Variants in FARP1 observed in about 807,000 individuals in gnomAD.
FARP1 encodes the protein FERM, ARH/RhoGEF and pleckstrin domain protein 1.
A neutral mutation model predicts 128.8 loss-of-function variants in FARP1; 52 were observed. The observed-to-expected ratio is 0.40, with a 90% confidence interval of 0.32 to 0.51. The LOEUF (loss-of-function observed/expected upper bound fraction) is 0.51, where lower values mean the gene tolerates loss of function less well. FARP1 is among the 20% of genes least tolerant of loss of function. The pLI is 0.45. For missense variants in FARP1, 1,333 were observed against 1,367.9 expected (o/e 0.97, Z 0.40); for synonymous variants, 580 against 551.8 (o/e 1.05, Z -0.72).
At chr13:98,153,363 AAT>A (rs1491100767) in intron 1 of FARP1, among the ~76,000 whole-genome samples, 3 of 70,364 alleles carry the variant, frequency 4.3e-5, no homozygotes, top group African/African-American at 3.3e-5. Context: ...AAATATATAA[AAT>A]ATGTTATATA....
At chr13:98,370,574 C>CT (rs1889283597) in intron 5 of FARP1, among the ~76,000 whole-genome samples, 1 of 95,628 alleles carries the variant, frequency 1.0e-5, no homozygotes, top group African/African-American at 5.0e-5. Context: ...GCTTGAGTGA[C>CT]TGGGGGGGAG....
chr13:98,269,349 A>G (rs1424072837), intron 2 of FARP1, among the ~76,000 whole-genome samples: 2 of 152,238 alleles, frequency 1.3e-5, no homozygotes, highest in South Asian at 4.1e-4. Flanking sequence ...CAAAATCTTC[A>G]TGGATTCTTT....
intron 23 of FARP1, 137 bp from the exon 24 acceptor site, chr13:98,440,533 A>G: frequency 1.2e-6 from 1 of 815,078 alleles, no homozygotes; most frequent in South Asian, 1.8e-5. Context: ...GGGTCCATCG[A>G]GGCCTCATTA....
rs149655776 is a variant in FARP1, at chr13:98,163,036, G to A, written c.-24+19544G>A. The stretch of plus-strand genomic sequence containing the variant: ...CATAGGCACGTGAATGTTCATTGCA[G>A]CACCATTCACAATAGAAAACACATG... On this transcript the variant is annotated intron_variant, in intron 1 of 26. Transcript: ENST00000319562. Among the ~76,000 whole-genome samples, 877 of 152,252 alleles carry A rather than the reference G, an allele frequency of 5.8e-3. 10 individuals are homozygous for A. The highest frequency in any genetic ancestry group is 0.02 in the African/African-American group (843 of 41,544).
chr13:98,230,083 C>T (rs1882027466), intron 2 of FARP1, among the ~76,000 whole-genome samples: 8 of 152,182 alleles, frequency 5.3e-5, no homozygotes, highest in Admixed American at 5.2e-4. Context: ...TTGCCTCTTA[C>T]TTGCTTTAGA....
At position 98,195,340 on chromosome 13, in the gene FARP1, G is replaced by A. The variant is rs1378784944; in HGVS notation, c.-23-17880G>A. Among the ~76,000 whole-genome samples the A allele has an allele frequency of 5.9e-5, 9 of 152,298 alleles. No individual in the cohort carries two copies. The East Asian group carries it at 1.7e-3, about 29-fold the overall frequency. ...CCAAGCTGTGATTTACATGGGAACTGAGCATTTGCTTTGGGGAATATATGT... is the reference window on the plus strand; with the variant it reads ...CCAAGCTGTGATTTACATGGGAACTAAGCATTTGCTTTGGGGAATATATGT... On this transcript the variant is annotated intron_variant, in intron 1 of 26. Transcript: ENST00000319562.
intron 2 of FARP1, among the ~76,000 whole-genome samples, chr13:98,284,697 T>C (rs1272480192): frequency 6.6e-6 from 1 of 152,222 alleles, no homozygotes; most frequent in Non-Finnish European, 1.5e-5. Context: ...TTCCTGATTA[T>C]ATTTGCAAGT....
chr13:98,381,031 C>T (rs559264937), intron 6 of FARP1, among the ~76,000 whole-genome samples: 4 of 152,300 alleles, frequency 2.6e-5, no homozygotes, highest in East Asian at 1.9e-4. Context: ...ATTTTCCCCC[C>T]AGAAACCAGC....
At chr13:98,149,580 A>C (rs948253665) in intron 1 of FARP1, among the ~76,000 whole-genome samples, 22 of 152,138 alleles carry the variant, frequency 1.4e-4, no homozygotes, top group African/African-American at 5.3e-4. Context: ...CTTGATCAAC[A>C]CTTGAAACAG....
chr13:98,244,868 C>G, intron 2 of FARP1: 2 of 1,440,766 alleles, frequency 1.4e-6, no homozygotes, highest in Non-Finnish European at 1.8e-6. Context: ...ATACGTGAAG[C>G]TGCATACAGA....
intron 2 of FARP1, among the ~76,000 whole-genome samples, chr13:98,264,749 T>C (rs1884023248): frequency 6.6e-6 from 1 of 152,222 alleles, no homozygotes; most frequent in Non-Finnish European, 1.5e-5. Flanking sequence ...AGAATTACTA[T>C]TCAATAGTAG....
chr13:98,257,781 GA>G (rs1048752409), intron 2 of FARP1, among the ~76,000 whole-genome samples: 6 of 151,550 alleles, frequency 4.0e-5, no homozygotes, highest in East Asian at 3.9e-4. Flanking sequence ...AGGGGGAAAA[GA>G]AAAAAAAGTA....
chr13:98,270,634 A>G (rs1023715590), intron 2 of FARP1, among the ~76,000 whole-genome samples: 10 of 152,164 alleles, frequency 6.6e-5, no homozygotes, highest in African/African-American at 2.4e-4. Context: ...CAGCTTCATG[A>G]TAGCCTGACT....
intron 13 of FARP1, chr13:98,396,180 T>G (rs1363109150): frequency 2.5e-6 from 1 of 398,976 alleles, no homozygotes. Context: ...CTCCCGAGGG[T>G]AGAAGCCTGG....
intron 2 of FARP1, among the ~76,000 whole-genome samples, chr13:98,216,509 C>A (rs1315504056): frequency 6.6e-6 from 1 of 152,206 alleles, no homozygotes; most frequent in African/African-American, 2.4e-5. Context: ...GAAGTCCCTG[C>A]AGTTTCCTTT....
At chr13:98,248,811 C>T (rs893108024) in intron 2 of FARP1, among the ~76,000 whole-genome samples, 2 of 151,806 alleles carry the variant, frequency 1.3e-5, no homozygotes, top group Non-Finnish European at 2.9e-5. Flanking sequence ...TTTGCGTTTT[C>T]GTGCTTTTTG....
intron 2 of FARP1, among the ~76,000 whole-genome samples, chr13:98,230,917 T>C (rs962246840): frequency 2.6e-5 from 4 of 152,306 alleles, no homozygotes; most frequent in African/African-American, 9.6e-5. Flanking sequence ...CTCACACTCA[T>C]GGCAGAAGGT....
chr13:98,352,080 G>A (rs1053731876), intron 3 of FARP1, among the ~76,000 whole-genome samples: 6 of 152,198 alleles, frequency 3.9e-5, no homozygotes, highest in African/African-American at 1.4e-4. Flanking sequence ...CAAACCCAAG[G>A]CCGTACATAA....
At chr13:98,207,907 TCCACACACACACAC>T (rs1418590675) in intron 1 of FARP1, among the ~76,000 whole-genome samples, 16 of 33,166 alleles carry the variant, frequency 4.8e-4, no homozygotes, top group African/African-American at 1.6e-3. Flanking sequence ...GACCACCACC[TCCACACACACACAC>T]ACACACACAC....
Sources: gnomAD v4.1 joint callset for allele counts (sites outside exome capture counted in the v4.1 genomes callset) on GRCh38, gnomAD v4.1.1 for gene constraint, MANE v1.5 for transcripts, NCBI Gene and HGNC (gene_info 2026-07-23, HGNC 2026-07-21) for gene names.